Variants in PHF23 observed in about 807,000 individuals in gnomAD.
The protein encoded by PHF23 is PHD finger protein 23.
PHF23 carries 3 observed loss-of-function variants against 36.0 expected under a neutral mutation model. The ratio of observed to expected loss-of-function variants is 0.08; its 90% CI spans 0.04 to 0.22. The LOEUF (loss-of-function observed/expected upper bound fraction) is 0.22. Ranked by LOEUF, PHF23 falls within the 10% of genes least tolerant of loss-of-function variation. PHF23 has a pLI of 1.00. For synonymous variants in PHF23, 242 were observed against 192.5 expected, an observed-to-expected ratio of 1.26 and a Z score of -2.13; for missense variants, 475 against 513.6, an observed-to-expected ratio of 0.92 and a Z score of 0.73.
chr17:7,236,118 G>C lies in PHF23; in HGVS notation c.809C>G (p.Ala270Gly). The change falls in exon 4 of 5, where the codon GCC (alanine) becomes GGC (glycine). Residue 270 changes from alanine to glycine, a missense_variant. Ala to Gly is a moderately conservative substitution (Grantham distance 60). Coordinates refer to ENST00000320316, the MANE Select transcript of PHF23 (RefSeq NM_024297.3). This position sits in a 1 kb window ranked among gnomAD's most constrained non-coding sequence, Gnocchi z 5.1. ...GGGTGTTGGCAGCACAGGGACTGGGGCTTCACCCCCTACCACTGTTGCCAT... is the reference window on the plus strand; with the variant it reads ...GGGTGTTGGCAGCACAGGGACTGGGCCTTCACCCCCTACCACTGTTGCCAT... ...EEMATVVGGE[A>G]PVPVLPTPPE... The C allele has an allele frequency of 6.2e-7, 1 of 1,611,734 alleles. No homozygotes were observed. Among genetic ancestry groups the C allele is most frequent in the South Asian group, 1.1e-5 (1 of 90,758 alleles).
upstream of PHF23, chr17:7,239,736 G>C (rs979022425): frequency 6.5e-6 from 1 of 154,014 alleles, no homozygotes. Context: ...CCGGAGGGGA[G>C]AGCGGAAGTG....
Position 7,236,718 on chromosome 17 carries a change from C to T in PHF23, c.209G>A (p.Ser70Asn). The T allele has an allele frequency of 6.2e-7, 1 of 1,613,876 alleles. No homozygotes were observed. Among genetic ancestry groups the T allele is most frequent in the South Asian group, 1.1e-5 (1 of 91,082 alleles). The change falls in exon 4 of 5, where the codon AGT becomes AAT. Residue 70 changes from serine (S) to asparagine (N), a missense_variant. Physicochemically the swap from Ser to Asn is conservative, Grantham distance 46. Coordinates refer to ENST00000320316, the MANE Select transcript of PHF23 (RefSeq NM_024297.3). The surrounding 1 kb of genome is among the most constrained non-coding windows in gnomAD (Gnocchi z 5.1). ...GTCCCAGCCATCACTGTCGGCCGCA[C>T]TCTCTCCTCGCAATGGAGAGCTGGA... The part of the protein sequence containing the change: ...SGSSSPLRGE[S>N]AADSDGWDSA...
intron 1 of PHF23, 66 bp from the exon 2 acceptor site, chr17:7,237,726 C>T: frequency 6.4e-7 from 1 of 1,572,332 alleles, no homozygotes; most frequent in South Asian, 1.1e-5. Context: ...CCCCTCTAAA[C>T]CCCGTTGTTC....
upstream of PHF23, chr17:7,240,774 G>T: frequency 1.1e-6 from 1 of 899,074 alleles, no homozygotes; most frequent in Non-Finnish European, 1.9e-6. Flanking sequence ...GTTTGAGCTT[G>T]AAGGAGGAGG....
At chr17:7,238,615 C>CCG in intron 1 of PHF23, 1 of 934,386 alleles carries the variant, frequency 1.1e-6, no homozygotes, top group African/African-American at 2.6e-5. Flanking sequence ...CCTACCCCCC[C>CCG]GCCCGACAAG....
chr17:7,239,059 C>T (rs1031261968), intron 1 of PHF23, 187 bp downstream of exon 1: 2 of 1,275,942 alleles, frequency 1.6e-6, no homozygotes, highest in Admixed American at 2.7e-5. Flanking sequence ...CCAACTACCC[C>T]AGCCCAGTTT....
chr17:7,236,174 C>A lies in PHF23; in HGVS notation c.753G>T (p.Glu251Asp). The A allele has an allele frequency of 1.5e-5, 24 of 1,610,736 alleles. No individual in the cohort carries two copies. The highest frequency in any genetic ancestry group is 2.0e-5 in the Non-Finnish European group (23 of 1,178,092). The change falls in exon 4 of 5, where the codon GAG becomes GAT. Residue 251 changes from glutamate to aspartate, a missense_variant. Transcript: ENST00000320316. The surrounding 1 kb of genome is among the most constrained non-coding windows in gnomAD (Gnocchi z 5.1). ...CTTCTTCTTCCTCTTCCTCCTCTTC[C>A]TCCTCCTCTTCAGAGTCTGTATCAC... ...PPSDTDSEEE[E>D]EEEEEEEEEE...
Position 7,236,740 on chromosome 17 carries a change from T to C in PHF23, c.187A>G (p.Ser63Gly). The change falls in exon 4 of 5, where the codon AGC becomes GGC. Residue 63 changes from serine (S) to glycine (G), a missense_variant. This residue lies in a region of PHF23 where 350 missense variants were observed against 319.8 expected (regional missense o/e 1.09). Coordinates refer to ENST00000320316, the MANE Select transcript of PHF23 (RefSeq NM_024297.3). The surrounding 1 kb of genome is among the most constrained non-coding windows in gnomAD (Gnocchi z 5.1). ...GCACTCTCTCCTCGCAATGGAGAGCTGGAGCCAGAGGCTGGCCAGTCACTT... is the reference window on the plus strand; with the variant it reads ...GCACTCTCTCCTCGCAATGGAGAGCCGGAGCCAGAGGCTGGCCAGTCACTT... ...EESDWPASGS[S>G]SPLRGESAAD... 6.2e-7 allele frequency: 1 copy of C among 1,613,092 alleles called. No individual in the cohort carries two copies. Among genetic ancestry groups the C allele is most frequent in the Non-Finnish European group, 8.5e-7 (1 of 1,179,598 alleles).
rs1273437635 is a variant in PHF23 at position 7,235,093 on chromosome 17, C to T, written c.*533G>A. 11 of 171,252 alleles carry T rather than the reference C, an allele frequency of 6.4e-5. No individual in the cohort carries two copies. The highest frequency in any genetic ancestry group is 1.4e-4 in the Non-Finnish European group (11 of 77,928). 10.6% of individuals were successfully genotyped at this position (171,252 alleles called of 1,614,324 possible). A position where few individuals can be genotyped will look rare whatever the true frequency, so the allele number is the denominator to read the frequency against. ...GCAGGCTGTCTGTACAAACAGCGGC[C>T]GATATTATTAAAAACAAAAGAGGTG... On this transcript the variant is annotated 3_prime_UTR_variant, in exon 5 of 5. Coordinates refer to ENST00000320316, the MANE Select transcript of PHF23 (RefSeq NM_024297.3).
intron 1 of PHF23, 133 bp from the exon 2 acceptor site, chr17:7,237,793 G>T: frequency 9.4e-7 from 1 of 1,064,704 alleles, no homozygotes; most frequent in Non-Finnish European, 1.4e-6. Context: ...GCCCCCAGCT[G>T]TGTTGGATCC....
Position 7,235,396 on chromosome 17 carries a change from C to G in PHF23, c.*230G>C. 1 of 556,664 alleles carries G rather than the reference C, an allele frequency of 1.8e-6. No homozygotes were observed. Among genetic ancestry groups the G allele is most frequent in the Non-Finnish European group, 3.2e-6 (1 of 310,822 alleles). 34.5% of individuals were successfully genotyped at this position (556,664 alleles called of 1,614,324 possible). ...AAGAGACAGAGATTATGTGTCGGGA[C>G]ACAGACAGCCTCCCATCCCCAACCG... On this transcript the variant is annotated 3_prime_UTR_variant, in exon 5 of 5. Transcript: ENST00000320316.
In PHF23 at chr17:7,236,677, G is replaced by A. The variant is rs372560490; in HGVS notation, c.250C>T (p.Leu84Phe). 6.2e-6 allele frequency: 10 copies of A among 1,614,012 alleles called. No homozygotes were observed. Among genetic ancestry groups the A allele is most frequent in the African/African-American group, 1.3e-5 (1 of 74,904 alleles). Residue 84 changes from leucine to phenylalanine, a missense_variant, in exon 4 of 5, where the codon CTT (leucine) becomes TTT (phenylalanine). This residue lies in a region of PHF23 where 350 missense variants were observed against 319.8 expected (regional missense o/e 1.09). Coordinates refer to ENST00000320316, the MANE Select transcript of PHF23 (RefSeq NM_024297.3). This position sits in a 1 kb window ranked among gnomAD's most constrained non-coding sequence, Gnocchi z 5.1. ...SDGWDSAPSD[L>F]RTIQTFVKKA... Reference sequence around the variant, plus strand: ...TTAACAAAAGTCTGGATGGTTCGAAGATCTGAGGGGGCCGAGTCCCAGCCA... The same window carrying A: ...TTAACAAAAGTCTGGATGGTTCGAAAATCTGAGGGGGCCGAGTCCCAGCCA...
intron 1 of PHF23, 190 bp downstream of exon 1, chr17:7,239,056 C>T: frequency 7.8e-7 from 1 of 1,284,842 alleles, no homozygotes; most frequent in Non-Finnish European, 1.0e-6. Flanking sequence ...TCTCCAACTA[C>T]CCCAGCCCAG....
chr17:7,236,938 C>T lies in PHF23; in HGVS notation c.160-171G>A, dbSNP rs1206996570. On this transcript the variant is annotated intron_variant, in intron 3 of 4. Transcript: ENST00000320316. This position sits in a 1 kb window ranked among gnomAD's most constrained non-coding sequence, Gnocchi z 5.1. ...CCCACCCCAATTCCCATCAGCATGT[C>T]CTCTTGACCAGTCCGTGTTACCTCT... Among the ~76,000 whole-genome samples the T allele has an allele frequency of 3.3e-5, 5 of 152,154 alleles. No individual in the cohort carries two copies. The highest frequency in any genetic ancestry group is 7.3e-5 in the Non-Finnish European group (5 of 68,032).
intron 1 of PHF23, 31 bp downstream of exon 1, chr17:7,239,215 G>A: frequency 1.4e-6 from 2 of 1,471,924 alleles, no homozygotes; most frequent in Non-Finnish European, 9.3e-7. Context: ...CCCCCCGCCG[G>A]CTCAGCGCTC....
chr17:7,237,088 C>T (rs1400218955), intron 3 of PHF23, among the ~76,000 whole-genome samples: 1 of 152,122 alleles, frequency 6.6e-6, no homozygotes, highest in Non-Finnish European at 1.5e-5. Context: ...CCATTTTCAT[C>T]TCCCTAAAAT....
At chr17:7,239,182 T>C in intron 1 of PHF23, 64 bp downstream of exon 1, 1 of 1,203,076 alleles carries the variant, frequency 8.3e-7, no homozygotes, top group Non-Finnish European at 1.2e-6. Context: ...GACCTCCAAG[T>C]TTGCCAATTG....
chr17:7,238,929 C>T lies in PHF23; in HGVS notation c.34+317G>A, dbSNP rs2071738980. The T allele has an allele frequency of 3.3e-6, 5 of 1,522,352 alleles. No homozygotes were observed. In the East Asian group the frequency reaches 7.4e-5, roughly 23 times the overall value. 94.3% of individuals were successfully genotyped at this position (1,522,352 alleles called of 1,614,324 possible). ...TCCCTCCTGAGCAACTCTCCGGCCA[C>T]TGGATTCCCCTAACCTTCCAGTTCC... On this transcript the variant is annotated intron_variant, in intron 1 of 4. Coordinates refer to ENST00000320316, the MANE Select transcript of PHF23 (RefSeq NM_024297.3).
In PHF23 at chr17:7,237,664, G is replaced by A; in HGVS notation, c.35-4C>T. ...GGCTTAAGGGTCGGAGGTGGATCTG[G>A]AAAAGCAATAAAAGCTGAGTCAAGA... On this transcript the variant is annotated splice_region_variant and splice_polypyrimidine_tract_variant and intron_variant, in intron 1 of 4. Coordinates refer to ENST00000320316, the MANE Select transcript of PHF23 (RefSeq NM_024297.3). The A allele has an allele frequency of 6.2e-7, 1 of 1,613,788 alleles. No homozygotes were observed. The highest frequency in any genetic ancestry group is 8.5e-7 in the Non-Finnish European group (1 of 1,179,866).
Sources: allele counts gnomAD v4.1 joint callset (sites outside exome capture counted in the v4.1 genomes callset), GRCh38; gene constraint gnomAD v4.1.1; regional missense constraint gnomAD v4.1.1; non-coding constraint Gnocchi (gnomAD v3.1); transcripts MANE v1.5; gene names NCBI Gene and HGNC (gene_info 2026-07-23, HGNC 2026-07-21).